ZNF674: variants seen among roughly 807,000 people sequenced by gnomAD.
ZNF674 encodes the protein zinc finger protein 674, also known as zinc finger family member 674.
A neutral mutation model predicts 7.0 loss-of-function variants in ZNF674; 2 were observed. The observed-to-expected ratio is 0.29, with a 90% confidence interval of 0.12 to 0.90. The LOEUF is 0.90. Ranked by LOEUF, ZNF674 falls within the 40% of genes least tolerant of loss-of-function variation. The pLI, the probability that ZNF674 is intolerant of heterozygous loss-of-function variation, is 0.57. For synonymous variants in ZNF674, 103 were observed against 145.2 expected (o/e 0.71, Z 2.09); for missense variants, 297 against 415.5 (o/e 0.71, Z 2.48).
At chrX:46,512,352 T>C (rs1300615625) in intron 5 of ZNF674, among the ~76,000 whole-genome samples, 1 of 110,256 alleles carries the variant, frequency 9.1e-6, no homozygotes, top group Non-Finnish European at 1.9e-5. Context: ...TCTAAATAAA[T>C]AAGTACATAA....
chrX:46,500,564 G>A lies in ZNF674; in HGVS notation c.1010C>T (p.Thr337Ile). The change falls in exon 6 of 6, where the codon ACT becomes ATT. Residue 337 changes from threonine to isoleucine, a missense_variant. By Grantham distance (89) the Thr-to-Ile change is moderately conservative. Transcript: ENST00000683375. Reference sequence around the variant, plus strand: ...TCTTTGATATATAAGGCTGGACGTAGTACATTTAATACCTTTATAAAATGC... The same window carrying A: ...TCTTTGATATATAAGGCTGGACGTAATACATTTAATACCTTTATAAAATGC... ...RQAFYKGIKC[T>I]TSSLIYQRIH... is the part of the protein sequence containing the mutation. 8.3e-7 allele frequency: 1 copy of A among 1,210,963 alleles called. No individual in the cohort carries two copies. The highest frequency in any genetic ancestry group is 1.1e-6 in the Non-Finnish European group (1 of 894,671).
intron 5 of ZNF674, chrX:46,527,696 C>T (rs1428786409): frequency 1.8e-5 from 2 of 111,293 alleles, no homozygotes; most frequent in Non-Finnish European, 3.8e-5. Context: ...AAACAGGTGG[C>T]ATCAAGTCAG....
intron 5 of ZNF674, among the ~76,000 whole-genome samples, chrX:46,513,567 T>C (rs1221072395): frequency 1.8e-5 from 2 of 111,978 alleles, no homozygotes; most frequent in African/African-American, 6.5e-5. Flanking sequence ...TCCATACATT[T>C]CACGAAGCTG....
intron 3 of ZNF674, among the ~76,000 whole-genome samples, chrX:46,533,519 T>A (rs1942143824): frequency 9.1e-6 from 1 of 110,025 alleles, no homozygotes; most frequent in Non-Finnish European, 1.9e-5. Flanking sequence ...CCCAGCACTT[T>A]GGGAGTCCGA....
At chrX:46,509,526 A>T (rs1364303736) in intron 5 of ZNF674, among the ~76,000 whole-genome samples, 1 of 98,018 alleles carries the variant, frequency 1.0e-5, no homozygotes, top group Non-Finnish European at 2.1e-5. Context: ...CAGCCAAAAA[A>T]CACATGAAAA....
intron 2 of ZNF674, 84 bp from the exon 3 acceptor site, chrX:46,542,200 C>T (rs1602094785): frequency 5.9e-6 from 3 of 506,707 alleles, no homozygotes; most frequent in South Asian, 1.0e-4. Flanking sequence ...ATTACCTTTG[C>T]ACCCTGGGAA....
chrX:46,511,712 A>ATTGAT (rs751015133), intron 5 of ZNF674, among the ~76,000 whole-genome samples: 328 of 112,601 alleles, frequency 2.9e-3, no homozygotes, highest in Non-Finnish European at 5.5e-3. Context: ...TTAGCTCTTA[A>ATTGAT]CAGCATTAAT....
intron 5 of ZNF674, among the ~76,000 whole-genome samples, chrX:46,511,682 G>A (rs1941655179): frequency 8.9e-6 from 1 of 112,141 alleles, no homozygotes; most frequent in African/African-American, 3.2e-5. Flanking sequence ...GATCAAAAGA[G>A]ATAAGGGGAC....
rs1236399050 is a variant in ZNF674, at chrX:46,541,940, C to G, written c.15+133G>C. 2.4e-5 allele frequency: 13 copies of G among 551,120 alleles called. No individual in the cohort carries two copies. In the East Asian group the frequency reaches 4.9e-4, roughly 21 times the overall value. 45.4% of individuals were successfully genotyped at this position (551,120 alleles called of 1,213,427 possible). Reference sequence around the variant, plus strand: ...TGGTGAGGGGAAGGATTAGAGAAACCAGAGGCTGAGGACAAGTTGAACAGA... The same window carrying G: ...TGGTGAGGGGAAGGATTAGAGAAACGAGAGGCTGAGGACAAGTTGAACAGA... On this transcript the variant is annotated intron_variant, in intron 3 of 5. Coordinates refer to ENST00000683375, the MANE Select transcript of ZNF674 (RefSeq NM_001190417.2).
At position 46,542,069 on chromosome X, in the gene ZNF674, T is replaced by C; in HGVS notation, c.15+4A>G. ...AAAAAAAGTAGGGGTACATTAGAAC[T>C]CACCTGGGACATGGCCATCTTGTTG... On this transcript the variant is annotated splice_donor_region_variant and intron_variant, in intron 3 of 5. Coordinates refer to ENST00000683375, the MANE Select transcript of ZNF674 (RefSeq NM_001190417.2). 1 of 1,205,292 alleles carries C rather than the reference T, an allele frequency of 8.3e-7. No individual in the cohort carries two copies. Among genetic ancestry groups the C allele is most frequent in the Non-Finnish European group, 1.1e-6 (1 of 890,375 alleles).
chrX:46,539,200 CAAAAA>C (rs974027848), intron 3 of ZNF674, among the ~76,000 whole-genome samples: 3 of 111,705 alleles, frequency 2.7e-5, no homozygotes, highest in African/African-American at 9.8e-5. Context: ...AACAAACAAA[CAAAAA>C]ATATGAAAAG....
At chrX:46,540,833 G>A (rs1373145215) in intron 3 of ZNF674, among the ~76,000 whole-genome samples, 1 of 111,069 alleles carries the variant, frequency 9.0e-6, no homozygotes, top group African/African-American at 3.3e-5. Context: ...GGAGGACGAG[G>A]TGGGTAGATC....
In ZNF674 at chrX:46,500,156, A is replaced by G. The variant is rs199992077; in HGVS notation, c.1418T>C (p.Phe473Ser). The G allele has an allele frequency of 2.6e-5, 31 of 1,209,951 alleles. No individual in the cohort carries two copies. Among genetic ancestry groups the G allele is most frequent in the Non-Finnish European group, 3.0e-5 (27 of 895,141 alleles). The stretch of plus-strand genomic sequence containing the variant: ...TTTAATCAGTGGTGACTTCTCACTA[A>G]AGGCTTTCCCACATTCGTTGCATTT... ...PYKCNECGKA[F>S]SEKSPLIKHQ... The change falls in exon 6 of 6, where the codon TTT becomes TCT. Residue 473 changes from phenylalanine (F) to serine (S), a missense_variant. By Grantham distance (155) the Phe-to-Ser change is radical (BLOSUM62 -2). Transcript: ENST00000683375.
intron 5 of ZNF674, among the ~76,000 whole-genome samples, chrX:46,504,404 G>A (rs954467063): frequency 9.2e-6 from 1 of 108,904 alleles, no homozygotes; most frequent in Non-Finnish European, 1.9e-5. Flanking sequence ...GTACAGTAGC[G>A]TGATCTTGGC....
chrX:46,500,524 C>G lies in ZNF674; in HGVS notation c.1050G>C (p.Glu350Asp), dbSNP rs748331751. Residue 350 changes from glutamate (E) to aspartate (D), a missense_variant, in exon 6 of 6, where the codon GAG (glutamate) becomes GAC (aspartate). By Grantham distance (45) the Glu-to-Asp change is conservative (BLOSUM62 2). Coordinates refer to ENST00000683375, the MANE Select transcript of ZNF674 (RefSeq NM_001190417.2). ...TCCCATGTTCACTGCACTGAGGTTTCTCACTTGTGTGAATTCTTTGATATA... is the reference window on the plus strand; with the variant it reads ...TCCCATGTTCACTGCACTGAGGTTTGTCACTTGTGTGAATTCTTTGATATA... ...SLIYQRIHTS[E>D]KPQCSEHGKA... The G allele has an allele frequency of 1.3e-5, 16 of 1,211,734 alleles. 1 individual carries two copies. In the South Asian group the frequency reaches 2.8e-4, roughly 21 times the overall value.
chrX:46,505,454 C>T (rs1429001817), intron 5 of ZNF674, among the ~76,000 whole-genome samples: 1 of 111,304 alleles, frequency 9.0e-6, no homozygotes, highest in African/African-American at 3.3e-5. Flanking sequence ...CAAAGGCAAA[C>T]AATCAATTAA....
At chrX:46,521,492 G>A (rs767779029) in intron 5 of ZNF674, among the ~76,000 whole-genome samples, 36 of 110,822 alleles carry the variant, frequency 3.2e-4, no homozygotes, top group Admixed American at 2.9e-3. Flanking sequence ...GAGGAAGTAG[G>A]ATCACCTGAG....
At chrX:46,540,264 T>C (rs763125884) in intron 3 of ZNF674, among the ~76,000 whole-genome samples, 1 of 110,719 alleles carries the variant, frequency 9.0e-6, no homozygotes, top group Non-Finnish European at 1.9e-5. Context: ...AAAGAAAGAT[T>C]CATACATCCA....
intron 5 of ZNF674, among the ~76,000 whole-genome samples, chrX:46,504,814 A>G (rs1703839297): frequency 9.0e-6 from 1 of 111,340 alleles, no homozygotes; most frequent in Admixed American, 9.6e-5. Context: ...AGGCCTCAGG[A>G]GGGGAAAAAT....
Sources: gnomAD v4.1 joint callset for allele counts (sites outside exome capture counted in the v4.1 genomes callset) on GRCh38, gnomAD v4.1.1 for gene constraint, MANE v1.5 for transcripts, NCBI Gene and HGNC (gene_info 2026-07-23, HGNC 2026-07-21) for gene names.